Variants in TNRC6C observed in about 807,000 individuals in gnomAD.
TNRC6C encodes trinucleotide repeat-containing gene 6C protein.
TNRC6C carries 20 observed loss-of-function variants against 153.7 expected under a neutral mutation model. The ratio of observed to expected loss-of-function variants is 0.13; its 90% CI spans 0.09 to 0.19. TNRC6C has a LOEUF of 0.19. Ranked by LOEUF, TNRC6C falls within the 10% of genes least tolerant of loss-of-function variation. The probability of loss-of-function intolerance (pLI) is 1.00; values close to 1 mark genes in which losing one functional copy is unlikely to be tolerated. For synonymous variants in TNRC6C, 811 were observed against 841.4 expected, an observed-to-expected ratio of 0.96 and a Z score of 0.63; for missense variants, 1,987 against 2,172.0, an observed-to-expected ratio of 0.91 and a Z score of 1.69.
At chr17:78,085,937 A>G (rs1370183719) in intron 11 of TNRC6C, among the ~76,000 whole-genome samples, 3 of 152,162 alleles carry the variant, frequency 2.0e-5, no homozygotes, top group African/African-American at 7.2e-5. Flanking sequence ...CATCATCACC[A>G]ACACTAAACA....
At chr17:78,105,143 G>T (rs1394482246) in exon 20 of TNRC6C, 3 of 314,608 alleles carry the variant, frequency 9.5e-6, no homozygotes, top group South Asian at 1.5e-4. Context: ...TATAAAAGCT[G>T]CTTAGAATAG....
chr17:78,049,258 T>C lies in TNRC6C; in HGVS notation c.196T>C (p.Ser66Pro). 6.2e-7 allele frequency: 1 copy of C among 1,611,718 alleles called. No individual in the cohort carries two copies. Among genetic ancestry groups the C allele is most frequent in the South Asian group, 1.1e-5 (1 of 90,724 alleles). ...CTCCAGCTCTGGCCTGGCTCACTGC[T>C]CTGTCAGTGGTGGGGATGGAAAAAT... The change falls in exon 3 of 20, where the codon TCT becomes CCT. Residue 66 changes from serine (S) to proline (P), a missense_variant. This residue lies in a region of TNRC6C where 1,052 missense variants were observed against 1,017.0 expected (regional missense o/e 1.03). Coordinates refer to ENST00000301624, the Ensembl canonical transcript of TNRC6C. The surrounding 1 kb of genome is among the most constrained non-coding windows in gnomAD (Gnocchi z 4.1).
At chr17:78,102,130 G>A (rs1036727800) in intron 17 of TNRC6C, among the ~76,000 whole-genome samples, 9 of 152,200 alleles carry the variant, frequency 5.9e-5, no homozygotes, top group East Asian at 3.8e-4. Context: ...ATTCCACACC[G>A]GGTCTGGGGA....
intron 3 of TNRC6C, among the ~76,000 whole-genome samples, chr17:78,063,134 T>TA (rs2072801714): frequency 6.6e-6 from 1 of 151,778 alleles, no homozygotes; most frequent in Non-Finnish European, 1.5e-5. Flanking sequence ...TAGTCCCAGC[T>TA]ACTCAGGAGA....
At chr17:78,006,590 T>TTCC (rs2071517235) in intron 1 of TNRC6C, among the ~76,000 whole-genome samples, 1 of 147,816 alleles carries the variant, frequency 6.8e-6, no homozygotes, top group Non-Finnish European at 1.5e-5. Context: ...TTCTTCCTTC[T>TTCC]TCCTTCTTCC....
At chr17:78,099,981 A>G (rs1227002899) in intron 17 of TNRC6C, among the ~76,000 whole-genome samples, 3 of 152,262 alleles carry the variant, frequency 2.0e-5, no homozygotes, top group African/African-American at 4.8e-5. Flanking sequence ...TGCAAGACCA[A>G]AATCCAGCAG....
At chr17:78,019,509 T>C (rs754440566) in intron 1 of TNRC6C, among the ~76,000 whole-genome samples, 4 of 152,200 alleles carry the variant, frequency 2.6e-5, no homozygotes, top group Non-Finnish European at 4.4e-5. Flanking sequence ...AAGAAAATTG[T>C]TTTAAAAGAC....
At chr17:78,006,501 CTTCTTCT>C (rs2071503358) in intron 1 of TNRC6C, among the ~76,000 whole-genome samples, 1 of 27,254 alleles carries the variant, frequency 3.7e-5, no homozygotes, top group African/African-American at 1.9e-4. Flanking sequence ...CTTTCTTCTT[CTTCTTCT>C]TCTTCTTCTT....
At chr17:78,093,897 T>C (rs2073436591) in intron 16 of TNRC6C, 134 bp downstream of exon 18, 2 of 1,000,142 alleles carry the variant, frequency 2.0e-6, no homozygotes, top group Admixed American at 2.9e-5. Flanking sequence ...TCTAGTCACC[T>C]GAAGCAGCAT....
upstream of TNRC6C, among the ~76,000 whole-genome samples, chr17:78,003,554 A>G (rs117027750): frequency 8.1e-3 from 1,233 of 152,328 alleles, 14 homozygotes; most frequent in Non-Finnish European, 0.013. Context: ...AGAAGCACCA[A>G]TAAAAGAGTA....
At chr17:78,087,236 A>T in intron 13 of TNRC6C, 143 bp downstream of exon 15, 1 of 1,407,922 alleles carries the variant, frequency 7.1e-7, no homozygotes, top group Non-Finnish European at 9.4e-7. Context: ...AGCCCCAGAC[A>T]AAATCGGAGA....
rs1178203508 is a variant in TNRC6C, at chr17:78,107,268, T to C, written c.*2423T>C. ...TTGGGTTTGAGGGGTTTTTTGTTTG[T>C]TTGTTTTTTGTTTTTTTTACCTTTT... On this transcript the variant is annotated 3_prime_UTR_variant, in exon 20 of 20. Transcript: ENST00000301624. The C allele has an allele frequency of 2.6e-5, 4 of 152,302 alleles. No homozygotes were observed. In the East Asian group the frequency reaches 7.7e-4, roughly 29 times the overall value. The allele number at this position is 152,302 out of a possible 1,614,324, so 9.4% of individuals were successfully genotyped here.
chr17:78,054,899 C>G (rs1413911353), intron 3 of TNRC6C, among the ~76,000 whole-genome samples: 2 of 151,342 alleles, frequency 1.3e-5, no homozygotes, highest in Admixed American at 1.3e-4. Flanking sequence ...CTACCATACA[C>G]CACTGCGGAC....
intron 17 of TNRC6C, among the ~76,000 whole-genome samples, chr17:78,099,619 C>T (rs768000230): frequency 3.9e-5 from 6 of 152,196 alleles, no homozygotes; most frequent in Non-Finnish European, 7.3e-5. Flanking sequence ...CCACTGGGTT[C>T]CTTCACGAAA....
chr17:78,061,242 C>T (rs1287825591), intron 3 of TNRC6C, among the ~76,000 whole-genome samples: 1 of 152,082 alleles, frequency 6.6e-6, no homozygotes, highest in African/African-American at 2.4e-5. Flanking sequence ...ATTTGTTCTA[C>T]CTCATCAATT....
At position 78,104,073 on chromosome 17, in the gene TNRC6C, T is replaced by A. The variant is rs886886041; in HGVS notation, c.4713-412T>A. Among the ~76,000 whole-genome samples the A allele has an allele frequency of 2.6e-5, 4 of 152,192 alleles. No homozygotes were observed. The highest frequency in any genetic ancestry group is 9.7e-5 in the African/African-American group (4 of 41,438). ...CTACTCCCTCCCTGTGACACATTCC[T>A]ACACAGGGCCCAGCAGTGGTCCTCA... On this transcript the variant is annotated intron_variant, in intron 19 of 19. Coordinates refer to ENST00000301624, the Ensembl canonical transcript of TNRC6C. This position sits in a 1 kb window ranked among gnomAD's most constrained non-coding sequence, Gnocchi z 6.2.
intron 1 of TNRC6C, among the ~76,000 whole-genome samples, chr17:77,961,286 G>C (rs906231651): frequency 2.6e-5 from 4 of 151,898 alleles, no homozygotes; most frequent in African/African-American, 7.3e-5. Context: ...CTCCCGAGTA[G>C]CAGGGATTAC....
At chr17:78,093,098 A>G in exon 15 of TNRC6C, 2 of 1,613,108 alleles carry the variant, frequency 1.2e-6, no homozygotes, top group Non-Finnish European at 1.7e-6. Context: ...AAAATCTCAA[A>G]TGGCTCTAGC....
chr17:77,967,863 C>A (rs1009590266), intron 1 of TNRC6C, among the ~76,000 whole-genome samples: 2 of 152,150 alleles, frequency 1.3e-5, no homozygotes, highest in African/African-American at 4.8e-5. Context: ...TCTGGATAGA[C>A]TTATATCCCG....
Sources: gnomAD v4.1 joint callset for allele counts (sites outside exome capture counted in the v4.1 genomes callset) on GRCh38, gnomAD v4.1.1 for gene constraint, gnomAD v4.1.1 regional missense constraint, Gnocchi (gnomAD v3.1) non-coding constraint, MANE v1.5 for transcripts, NCBI Gene and HGNC (gene_info 2026-07-23, HGNC 2026-07-21) for gene names.